Variants in ANO2 observed in about 807,000 individuals in gnomAD.
The protein encoded by ANO2 is anoctamin 2.
Under a neutral mutation model 124.2 loss-of-function variants are expected in ANO2, and 101 were observed. The ratio of observed to expected loss-of-function variants is 0.81; its 90% CI spans 0.69 to 0.96. The LOEUF is 0.96. Among genes scored for constraint, ANO2 ranks in the 40% least tolerant of loss-of-function variants. The pLI, the probability that ANO2 is intolerant of heterozygous loss-of-function variation, is 0.00. For synonymous variants in ANO2, 486 were observed against 482.5 expected, an observed-to-expected ratio of 1.01 and a Z score of -0.09; for missense variants, 1,293 against 1,274.5, an observed-to-expected ratio of 1.01 and a Z score of -0.22.
intron 10 of ANO2, among the ~76,000 whole-genome samples, chr12:5,770,640 G>A (rs1254483363): frequency 6.6e-6 from 1 of 152,122 alleles, no homozygotes; most frequent in Non-Finnish European, 1.5e-5. Context: ...CACGGTCCCT[G>A]CAAAGACCTC....
chr12:5,593,150 T>A (rs374089830), intron 20 of ANO2, among the ~76,000 whole-genome samples: 7 of 152,182 alleles, frequency 4.6e-5, no homozygotes, highest in South Asian at 4.1e-4. Flanking sequence ...TATAAGCTCA[T>A]GACCAAGAAA....
Position 5,750,928 on chromosome 12 carries a change from C to T in ANO2, c.1098G>A (p.Leu366=), listed in dbSNP as rs759708910. ...GGATGAGGAATGATGTATATAATCC[C>T]AGCCAGGCAAAATACAGTCCAATTT... ...GEKIGLYFAW[L]GLYTSFLIPS... is the part of the protein sequence containing the mutation. The change falls in exon 11 of 25, where the codon CTG becomes CTA. Residue 366 remains leucine (L), a synonymous_variant. Transcript: ENST00000682330. 1 of 1,609,398 alleles carries T rather than the reference C, an allele frequency of 6.2e-7. No individual in the cohort carries two copies. The highest frequency in any genetic ancestry group is 2.2e-5 in the East Asian group (1 of 44,820).
chr12:5,805,563 A>T (rs1196325402), intron 9 of ANO2, among the ~76,000 whole-genome samples: 1 of 152,222 alleles, frequency 6.6e-6, no homozygotes, highest in African/African-American at 2.4e-5. Context: ...AAAGGAAAGA[A>T]GAATCACCTA....
In ANO2 at chr12:5,599,471, C is replaced by T. The variant is rs1943822531; in HGVS notation, c.2233+13G>A. 2 of 1,597,086 alleles carry T rather than the reference C, an allele frequency of 1.3e-6. No individual in the cohort carries two copies. Among genetic ancestry groups the T allele is most frequent in the Non-Finnish European group, 1.7e-6 (2 of 1,175,112 alleles). ...ACCTGCCCCCAGTGGAAGGCAGGAC[C>T]ATGGGTTCTCACTCATTTCCATGTA... On this transcript the variant is annotated intron_variant, in intron 20 of 24. Transcript: ENST00000682330.
chr12:5,576,038 C>T (rs370454114), intron 22 of ANO2, 23 bp from the exon 23 acceptor site: 1 of 1,580,352 alleles, frequency 6.3e-7, no homozygotes, highest in African/African-American at 1.3e-5. Flanking sequence ...ACCATAAGCA[C>T]TGAGTAGCCA....
chr12:5,574,512 T>C (rs1687827544), intron 23 of ANO2, among the ~76,000 whole-genome samples: 1 of 152,230 alleles, frequency 6.6e-6, no homozygotes, highest in African/African-American at 2.4e-5. Flanking sequence ...TCCCTATCAA[T>C]GTAACCACAT....
intron 11 of ANO2, among the ~76,000 whole-genome samples, chr12:5,744,724 T>C (rs1457575942): frequency 6.6e-6 from 1 of 152,168 alleles, no homozygotes; most frequent in African/African-American, 2.4e-5. Context: ...TCTAGGCTGT[T>C]TTTGTAAAGC....
intron 9 of ANO2, among the ~76,000 whole-genome samples, chr12:5,803,297 G>A (rs1474908109): frequency 6.6e-6 from 1 of 152,144 alleles, no homozygotes; most frequent in African/African-American, 2.4e-5. Context: ...CGTGCAGCAC[G>A]GCAAAATGAA....
At chr12:5,668,266 CT>C (rs1947832775) in intron 14 of ANO2, among the ~76,000 whole-genome samples, 8 of 152,172 alleles carry the variant, frequency 5.3e-5, no homozygotes, top group African/African-American at 1.9e-4. Flanking sequence ...AAGATAGCAT[CT>C]CATTGTGGTT....
In ANO2 at chr12:5,629,047, A is replaced by G. The variant is rs3782602; in HGVS notation, c.1816+6105T>C. 3.3e-5 allele frequency among the ~76,000 whole-genome samples: 5 copies of G among 152,198 alleles called. No individual in the cohort carries two copies. In the East Asian group the frequency reaches 9.7e-4, roughly 30 times the overall value. On this transcript the variant is annotated intron_variant, in intron 16 of 24. Transcript: ENST00000682330. ...CAGGAGTGGGCTGTCAGTAATGTCT[A>G]AGCACCTCCCAAGCACAGCCATTTT...
Position 5,563,945 on chromosome 12 carries a change from C to T in ANO2, c.2728-377G>A, listed in dbSNP as rs188107465. ...CTTGGCCTCTAAGCCTCCAGGCCCT[C>T]CCTGCTTTAGAAAATGGAAAGTGGC... On this transcript the variant is annotated intron_variant, in intron 24 of 24. Coordinates refer to ENST00000682330, the MANE Select transcript of ANO2 (RefSeq NM_001364791.2). Among the ~76,000 whole-genome samples, 634 of 152,322 alleles carry T rather than the reference C, an allele frequency of 4.2e-3. 3 individuals are homozygous for T. Among genetic ancestry groups the T allele is most frequent in the Non-Finnish European group, 7.0e-3 (475 of 68,022 alleles).
At chr12:5,914,692 T>G (rs1040737544) in intron 3 of ANO2, among the ~76,000 whole-genome samples, 1 of 152,196 alleles carries the variant, frequency 6.6e-6, no homozygotes, top group African/African-American at 2.4e-5. Flanking sequence ...TGTCATGCCA[T>G]TCTCCATTTC....
At chr12:5,571,366 G>A (rs868812031) in intron 23 of ANO2, among the ~76,000 whole-genome samples, 3 of 152,354 alleles carry the variant, frequency 2.0e-5, no homozygotes, top group Admixed American at 1.3e-4. Context: ...GGCAAGCATC[G>A]CTCCAAAATG....
At chr12:5,594,456 T>C (rs1943562310) in intron 20 of ANO2, among the ~76,000 whole-genome samples, 1 of 152,210 alleles carries the variant, frequency 6.6e-6, no homozygotes, top group African/African-American at 2.4e-5. Context: ...AATGCAAACC[T>C]GTCTGGTCTT....
At chr12:5,946,031 T>C, upstream of ANO2, 11 of 1,258,814 alleles carry the variant, frequency 8.7e-6, no homozygotes, top group Non-Finnish European at 1.1e-5. The surrounding 1 kb of genome is among the most constrained non-coding windows in gnomAD (Gnocchi z 4.1). Context: ...AGGGCCCTTC[T>C]GCACGATGGA....
At chr12:5,773,446 A>G (rs1012930582) in intron 10 of ANO2, among the ~76,000 whole-genome samples, 1 of 152,238 alleles carries the variant, frequency 6.6e-6, no homozygotes, top group Admixed American at 6.5e-5. Flanking sequence ...CACCAACAGC[A>G]AGACAGAGCC....
chr12:5,922,896 G>T, intron 1 of ANO2, 92 bp from the exon 2 acceptor site: 1 of 1,293,878 alleles, frequency 7.7e-7, no homozygotes. Flanking sequence ...CACTAGCCCT[G>T]AGAAAATGGC....
chr12:5,716,082 G>C (rs1031708124), intron 14 of ANO2, among the ~76,000 whole-genome samples: 1 of 152,120 alleles, frequency 6.6e-6, no homozygotes, highest in Non-Finnish European at 1.5e-5. Context: ...GGTTATAGTG[G>C]TCTGCCTAGG....
intron 1 of ANO2, among the ~76,000 whole-genome samples, chr12:5,939,078 G>A (rs529106587): frequency 2.6e-5 from 4 of 151,292 alleles, no homozygotes; most frequent in East Asian, 2.0e-4. Context: ...TTAGCTGGGC[G>A]TAGTGGTGCG....
Sources: allele counts gnomAD v4.1 joint callset (sites outside exome capture counted in the v4.1 genomes callset), GRCh38; gene constraint gnomAD v4.1.1; non-coding constraint Gnocchi (gnomAD v3.1); transcripts MANE v1.5; gene names NCBI Gene and HGNC (gene_info 2026-07-23, HGNC 2026-07-21).